Variants in ZNF407 observed in about 807,000 individuals in gnomAD.
ZNF407 encodes the protein zinc finger protein 407.
A neutral mutation model predicts 131.2 loss-of-function variants in ZNF407; 17 were observed. The observed-to-expected ratio is 0.13, with a 90% CI of 0.09 to 0.19. The LOEUF (loss-of-function observed/expected upper bound fraction) is 0.19, where lower values mean the gene tolerates loss of function less well. ZNF407 is among the 10% of genes least tolerant of loss of function. The pLI is 1.00. For synonymous variants in ZNF407, 1,156 were observed against 1,062.0 expected (o/e 1.09, Z -1.72); for missense variants, 2,681 against 2,830.6 (o/e 0.95, Z 1.20).
chr18:74,885,130 ACTAC>A (rs1281066737), intron 6 of ZNF407, among the ~76,000 whole-genome samples: 1 of 152,162 alleles, frequency 6.6e-6, no homozygotes, highest in African/African-American at 2.4e-5. Flanking sequence ...TAAGATTTAT[ACTAC>A]CTACCTAAGT....
intron 8 of ZNF407, among the ~76,000 whole-genome samples, chr18:74,968,248 A>AT (rs1459403453): frequency 6.6e-6 from 1 of 152,188 alleles, no homozygotes; most frequent in African/African-American, 2.4e-5. Flanking sequence ...TGAGTGAGGT[A>AT]TGGAAATCTC....
chr18:74,686,345 C>T (rs533697948), intron 3 of ZNF407, among the ~76,000 whole-genome samples: 7 of 152,338 alleles, frequency 4.6e-5, no homozygotes, highest in South Asian at 4.1e-4. Flanking sequence ...AATGCATCAT[C>T]TACTTCATAA....
At chr18:74,997,203 A>G (rs1403677012) in intron 8 of ZNF407, among the ~76,000 whole-genome samples, 13 of 152,226 alleles carry the variant, frequency 8.5e-5, no homozygotes. Context: ...CATTATTACA[A>G]GCTCTCAAGG....
intron 8 of ZNF407, among the ~76,000 whole-genome samples, chr18:75,039,500 T>C (rs1355982204): frequency 6.6e-6 from 1 of 152,222 alleles, no homozygotes; most frequent in African/African-American, 2.4e-5. Context: ...ACAGTAACGG[T>C]GCTGCAGGGA....
intron 1 of ZNF407, among the ~76,000 whole-genome samples, chr18:74,625,451 C>G (rs961400081): frequency 6.6e-6 from 1 of 152,048 alleles, no homozygotes; most frequent in African/African-American, 2.4e-5. Context: ...CTGCTGGTGC[C>G]TAGTGAAAGG....
At chr18:74,630,934 C>T in intron 1 of ZNF407, 33 bp from the exon 2 acceptor site, 2 of 1,440,532 alleles carry the variant, frequency 1.4e-6, no homozygotes, top group Non-Finnish European at 1.8e-6. Flanking sequence ...TCTTTATATT[C>T]AAGATTTAAT....
intron 4 of ZNF407, among the ~76,000 whole-genome samples, chr18:74,841,159 A>G (rs1235979348): frequency 6.6e-6 from 1 of 152,210 alleles, no homozygotes; most frequent in Non-Finnish European, 1.5e-5. Context: ...TTTCTCATGT[A>G]GTAATGAGCT....
At chr18:74,772,983 A>G (rs1385600565) in intron 3 of ZNF407, among the ~76,000 whole-genome samples, 12 of 152,230 alleles carry the variant, frequency 7.9e-5, no homozygotes. Context: ...GAATTCAGAA[A>G]TTCTGCAGGA....
intron 7 of ZNF407, among the ~76,000 whole-genome samples, chr18:74,906,850 G>A (rs1971602418): frequency 6.8e-6 from 1 of 146,516 alleles, no homozygotes. Context: ...GTATATGTGA[G>A]TATTTTATGT....
At position 74,960,835 on chromosome 18, in the gene ZNF407, G is replaced by C. The variant is rs553025557; in HGVS notation, c.5428+40143G>C. 2.1e-5 allele frequency among the ~76,000 whole-genome samples: 3 copies of C among 144,960 alleles called. No individual in the cohort carries two copies. The East Asian group carries it at 6.1e-4, about 30-fold the overall frequency. On this transcript the variant is annotated intron_variant, in intron 8 of 8. Transcript: ENST00000299687. ...AGGGATAGGAGAAGGTCCTGAGTCA[G>C]TGCTGGGTGGAGGGATAGGAGAAAG...
chr18:74,800,942 A>G (rs996362893), intron 4 of ZNF407, among the ~76,000 whole-genome samples: 4 of 152,106 alleles, frequency 2.6e-5, no homozygotes, highest in African/African-American at 9.7e-5. Context: ...GCTTGTTAAC[A>G]GACAGATTCA....
At chr18:74,804,119 A>C in intron 4 of ZNF407, 1 of 1,522,752 alleles carries the variant, frequency 6.6e-7, no homozygotes, top group Non-Finnish European at 8.8e-7. Flanking sequence ...TTTTGGTTGA[A>C]GTTAGACATA....
intron 8 of ZNF407, among the ~76,000 whole-genome samples, chr18:74,951,869 C>A (rs913033259): frequency 6.7e-6 from 1 of 150,276 alleles, no homozygotes. Context: ...GAGAATAAAA[C>A]CATCATACAG....
intron 8 of ZNF407, among the ~76,000 whole-genome samples, chr18:75,018,846 G>A (rs1443953329): frequency 6.6e-6 from 1 of 152,080 alleles, no homozygotes; most frequent in Non-Finnish European, 1.5e-5. Context: ...AACTTCAGGA[G>A]TAAATTTGTT....
At chr18:74,943,073 G>T (rs1200422913) in intron 8 of ZNF407, among the ~76,000 whole-genome samples, 1 of 151,812 alleles carries the variant, frequency 6.6e-6, no homozygotes, top group Non-Finnish European at 1.5e-5. Context: ...ATGCCACCAT[G>T]CCTAGCTGAT....
At chr18:75,060,814 T>G (rs1033653965) in intron 8 of ZNF407, among the ~76,000 whole-genome samples, 3 of 152,222 alleles carry the variant, frequency 2.0e-5, no homozygotes, top group African/African-American at 7.2e-5. Context: ...CGCAGCTCTT[T>G]TCTTGACAAA....
At position 74,634,369 on chromosome 18, in the gene ZNF407, ATACTCT is replaced by A; in HGVS notation, c.3353_3358del (p.Thr1118_Leu1119del). The A allele has an allele frequency of 6.2e-7, 1 of 1,613,876 alleles. No individual in the cohort carries two copies. Among genetic ancestry groups the A allele is most frequent in the Non-Finnish European group, 8.5e-7 (1 of 1,179,898 alleles). Reference sequence around the variant, plus strand: ...CAAATAATTTCAGGTCAACCATCTGATACTCTTAAATCTAGAAATGCTGCAGATTGC... The same window carrying A: ...CAAATAATTTCAGGTCAACCATCTGATAAATCTAGAAATGCTGCAGATTGC... On this transcript the variant is annotated inframe_deletion, in exon 2 of 9. Coordinates refer to ENST00000299687, the MANE Select transcript of ZNF407 (RefSeq NM_017757.3).
intron 3 of ZNF407, among the ~76,000 whole-genome samples, chr18:74,678,858 A>G (rs1008835045): frequency 1.3e-5 from 2 of 152,154 alleles, no homozygotes; most frequent in African/African-American, 4.8e-5. Context: ...GGTGAATACA[A>G]ACTAAAGTAG....
At chr18:74,785,838 T>A (rs377580747) in intron 4 of ZNF407, among the ~76,000 whole-genome samples, 59 of 151,582 alleles carry the variant, frequency 3.9e-4, no homozygotes, top group Admixed American at 1.1e-3. Flanking sequence ...GTCACTCACA[T>A]GGCATGCACA....
Sources: gnomAD v4.1 joint callset for allele counts (sites outside exome capture counted in the v4.1 genomes callset) on GRCh38, gnomAD v4.1.1 for gene constraint, MANE v1.5 for transcripts, NCBI Gene and HGNC (gene_info 2026-07-23, HGNC 2026-07-21) for gene names.